Variants in PDSS2 observed in about 807,000 individuals in gnomAD.
PDSS2 encodes the protein decaprenyl diphosphate synthase subunit 2.
In PDSS2, 31 loss-of-function variants were observed where a neutral mutation model predicts 44.5. The observed-to-expected ratio is 0.70, with a 90% CI of 0.52 to 0.94. The LOEUF is 0.94. Ranked by LOEUF, PDSS2 falls within the 40% of genes least tolerant of loss-of-function variation. The pLI, the probability that PDSS2 is intolerant of heterozygous loss-of-function variation, is 0.00. For synonymous variants in PDSS2, 157 were observed against 180.3 expected (o/e 0.87, Z 1.03); for missense variants, 452 against 482.2 (o/e 0.94, Z 0.59).
chr6:107,388,292 G>A (rs946212046), intron 1 of PDSS2, among the ~76,000 whole-genome samples: 4 of 152,152 alleles, frequency 2.6e-5, no homozygotes, highest in African/African-American at 9.7e-5. Flanking sequence ...ATTCATTGCT[G>A]ATGGAAATGT....
At chr6:107,300,486 C>T (rs1025926099) in intron 2 of PDSS2, among the ~76,000 whole-genome samples, 1 of 152,038 alleles carries the variant, frequency 6.6e-6, no homozygotes, top group Non-Finnish European at 1.5e-5. Context: ...GGAAGGAGAC[C>T]GCACCCACCT....
Position 107,233,127 on chromosome 6 carries a change from T to C in PDSS2, c.702+12421A>G, listed in dbSNP as rs774338918. Among the ~76,000 whole-genome samples the C allele has an allele frequency of 2.4e-4, 37 of 152,238 alleles. 1 individual carries two copies. Among genetic ancestry groups the C allele is most frequent in the Non-Finnish European group, 5.9e-5 (4 of 68,048 alleles). On this transcript the variant is annotated intron_variant, in intron 4 of 7. Transcript: ENST00000369037. Reference sequence around the variant, plus strand: ...CCACTGCGCTGGGTCCAATAGTTTCTATTGATTCATTTCTACTGTATCTTC... The same window carrying C: ...CCACTGCGCTGGGTCCAATAGTTTCCATTGATTCATTTCTACTGTATCTTC...
At chr6:107,230,689 G>GA (rs1774018818) in intron 4 of PDSS2, among the ~76,000 whole-genome samples, 3 of 151,724 alleles carry the variant, frequency 2.0e-5, no homozygotes, top group South Asian at 4.2e-4. Flanking sequence ...TTTTCTCATA[G>GA]TGATGAGAAA....
intron 1 of PDSS2, among the ~76,000 whole-genome samples, chr6:107,382,854 A>C (rs1779494492): frequency 6.6e-6 from 1 of 152,062 alleles, no homozygotes; most frequent in Non-Finnish European, 1.5e-5. Context: ...AAAAACAAAA[A>C]AACCTTAAAT....
intron 7 of PDSS2, among the ~76,000 whole-genome samples, chr6:107,186,614 C>T (rs1373528128): frequency 1.3e-5 from 2 of 152,138 alleles, no homozygotes; most frequent in Admixed American, 6.5e-5. Flanking sequence ...TTCGCGCCCC[C>T]CTACCCCCCA....
chr6:107,324,934 T>C (rs1202458581), intron 2 of PDSS2, among the ~76,000 whole-genome samples: 1 of 152,164 alleles, frequency 6.6e-6, no homozygotes, highest in Non-Finnish European at 1.5e-5. Context: ...TCACAGCCTA[T>C]TGTTACTATA....
chr6:107,412,154 C>T (rs573383828), intron 1 of PDSS2, among the ~76,000 whole-genome samples: 18 of 151,258 alleles, frequency 1.2e-4, no homozygotes, highest in African/African-American at 4.1e-4. Context: ...TTCCAAAGTG[C>T]TGGGATTACA....
rs144701503 is a variant in PDSS2 at position 107,263,207 on chromosome 6, C to A, written c.630+10822G>T. On this transcript the variant is annotated intron_variant, in intron 3 of 7. Transcript: ENST00000369037. ...GTGGCTTACGCCTGTAATCTCAGCA[C>A]TTTGGGAGGCCGAGGTGGGTAAATC... Among the ~76,000 whole-genome samples, 14 of 151,766 alleles carry A rather than the reference C, an allele frequency of 9.2e-5. No individual in the cohort carries two copies. The South Asian group carries it at 2.9e-3, about 32-fold the overall frequency.
rs777489422 is a variant in PDSS2 at position 107,368,810 on chromosome 6, T to C, written c.297-34478A>G. 2.6e-5 allele frequency among the ~76,000 whole-genome samples: 4 copies of C among 151,960 alleles called. No homozygotes were observed. In the East Asian group the frequency reaches 7.7e-4, roughly 29 times the overall value. ...ACTCTCCCTCTCTCAAAAAAAGAAA[T>C]TGATAAGGTGATTATAAATTTAAGT... On this transcript the variant is annotated intron_variant, in intron 1 of 7. Transcript: ENST00000369037.
intron 1 of PDSS2, among the ~76,000 whole-genome samples, chr6:107,425,630 A>G (rs1338655914): frequency 6.6e-6 from 1 of 152,200 alleles, no homozygotes; most frequent in Non-Finnish European, 1.5e-5. Flanking sequence ...TAAAAGGGAA[A>G]CTGGGCATAA....
At position 107,316,658 on chromosome 6, in the gene PDSS2, CTA is replaced by C. The variant is rs559090150; in HGVS notation, c.431+17538_431+17539del. Among the ~76,000 whole-genome samples, 15 of 152,100 alleles carry C rather than the reference CTA, an allele frequency of 9.9e-5. No individual in the cohort carries two copies. In the South Asian group the frequency reaches 2.9e-3, roughly 30 times the overall value. ...AATATTGGGCCTTTTTAAACAGGCC[CTA>C]TATATCTACTCTGATTTAGCTTTTT... On this transcript the variant is annotated intron_variant, in intron 2 of 7. Coordinates refer to ENST00000369037, the MANE Select transcript of PDSS2 (RefSeq NM_020381.4).
chr6:107,277,446 A>AT (rs1486947999), intron 2 of PDSS2, among the ~76,000 whole-genome samples: 1 of 152,252 alleles, frequency 6.6e-6, no homozygotes, highest in African/African-American at 2.4e-5. Context: ...GAAATGGTCT[A>AT]TATTTTACAC....
intron 6 of PDSS2, among the ~76,000 whole-genome samples, chr6:107,196,457 G>A (rs1028962465): frequency 3.9e-5 from 6 of 152,146 alleles, no homozygotes; most frequent in African/African-American, 1.4e-4. Flanking sequence ...AATTCATTTA[G>A]GTTAATGGAC....
chr6:107,401,160 T>C (rs566600637), intron 1 of PDSS2, among the ~76,000 whole-genome samples: 1 of 152,252 alleles, frequency 6.6e-6, no homozygotes, highest in East Asian at 1.9e-4. Flanking sequence ...GATACAACTG[T>C]ACAGTACTCA....
At chr6:107,386,228 T>C (rs1779606107) in intron 1 of PDSS2, among the ~76,000 whole-genome samples, 1 of 152,286 alleles carries the variant, frequency 6.6e-6, no homozygotes, top group South Asian at 2.1e-4. Context: ...GATCCACTTT[T>C]CTTCTGGGTT....
intron 1 of PDSS2, among the ~76,000 whole-genome samples, chr6:107,421,313 A>T (rs1220845642): frequency 6.6e-6 from 1 of 152,198 alleles, no homozygotes; most frequent in Non-Finnish European, 1.5e-5. Flanking sequence ...TACACTTACC[A>T]TACAACCCAA....
At chr6:107,434,067 C>T (rs967635834) in intron 1 of PDSS2, among the ~76,000 whole-genome samples, 1 of 152,002 alleles carries the variant, frequency 6.6e-6, no homozygotes, top group African/African-American at 2.4e-5. Flanking sequence ...ATCATCTCAC[C>T]CCAGTTAAAA....
intron 1 of PDSS2, among the ~76,000 whole-genome samples, chr6:107,364,490 C>T (rs1183851302): frequency 2.0e-5 from 3 of 152,260 alleles, no homozygotes; most frequent in Non-Finnish European, 4.4e-5. Flanking sequence ...GGCCCGGGTG[C>T]TAAGTCCCCC....
chr6:107,383,468 T>C (rs1779516165), intron 1 of PDSS2, among the ~76,000 whole-genome samples: 1 of 151,886 alleles, frequency 6.6e-6, no homozygotes, highest in South Asian at 2.1e-4. Flanking sequence ...TAAAGTGGAC[T>C]TCATCAAAAT....
Sources: gnomAD v4.1 joint callset for allele counts (sites outside exome capture counted in the v4.1 genomes callset) on GRCh38, gnomAD v4.1.1 for gene constraint, MANE v1.5 for transcripts, NCBI Gene and HGNC (gene_info 2026-07-23, HGNC 2026-07-21) for gene names.